Variants in IRAG1 observed in about 807,000 individuals in gnomAD.
IRAG1 encodes IP3R-associated cGMP kinase substrate.
IRAG1 carries 62 observed loss-of-function variants against 106.2 expected under a neutral mutation model. The ratio of observed to expected loss-of-function variants is 0.58; its 90% CI spans 0.48 to 0.72. The LOEUF (loss-of-function observed/expected upper bound fraction) is 0.72, where lower values mean the gene tolerates loss of function less well. IRAG1 is among the 30% of genes least tolerant of loss of function. The probability of loss-of-function intolerance (pLI) is 0.00; values close to 1 mark genes in which losing one functional copy is unlikely to be tolerated. For missense variants in IRAG1, 1,064 were observed against 1,140.7 expected, an observed-to-expected ratio of 0.93 and a Z score of 0.97; for synonymous variants, 462 against 443.9, an observed-to-expected ratio of 1.04 and a Z score of -0.51.
chr11:10,612,176 T>C (rs1003239019), intron 10 of IRAG1, among the ~76,000 whole-genome samples: 4 of 152,200 alleles, frequency 2.6e-5, no homozygotes, highest in African/African-American at 9.7e-5. Context: ...TTTTCCTTCC[T>C]TTCTTAGCAG....
intron 4 of IRAG1, among the ~76,000 whole-genome samples, chr11:10,631,345 T>C (rs1264852784): frequency 6.6e-6 from 1 of 152,172 alleles, no homozygotes; most frequent in Non-Finnish European, 1.5e-5. Flanking sequence ...CTGGAATGCC[T>C]TTCCTCCCTC....
chr11:10,655,612 C>A (rs1185395656), intron 1 of IRAG1, among the ~76,000 whole-genome samples: 2 of 152,174 alleles, frequency 1.3e-5, no homozygotes, highest in Admixed American at 6.5e-5. Flanking sequence ...GGATTCCTAA[C>A]CACTTCAGGG....
In IRAG1 at chr11:10,609,712, C is replaced by T. The variant is rs771709480; in HGVS notation, c.1571+16G>A. 29 of 1,610,256 alleles carry T rather than the reference C, an allele frequency of 1.8e-5. No homozygotes were observed. The highest frequency in any genetic ancestry group is 2.3e-5 in the Non-Finnish European group (27 of 1,179,374). ...ACTCGGTACAGGGCCTTCTGTAACCCACATCCTGATTTTACCTTCCAGGGA... is the reference window on the plus strand; with the variant it reads ...ACTCGGTACAGGGCCTTCTGTAACCTACATCCTGATTTTACCTTCCAGGGA... On this transcript the variant is annotated intron_variant, in intron 11 of 20. Transcript: ENST00000423302.
Position 10,589,951 on chromosome 11 carries a change from CA to C in IRAG1, c.2240+1596del, listed in dbSNP as rs1371537225. Reference sequence around the variant, plus strand: ...CTCAACTGGCCTGGCATAAGTTCTACAGAGTTCAGGCCCTCTCTGTCATGAT... The same window carrying C: ...CTCAACTGGCCTGGCATAAGTTCTACGAGTTCAGGCCCTCTCTGTCATGAT... On this transcript the variant is annotated intron_variant, in intron 18 of 20. Transcript: ENST00000423302. Among the ~76,000 whole-genome samples the C allele has an allele frequency of 2.0e-5, 3 of 152,176 alleles. No individual in the cohort carries two copies. The East Asian group carries it at 5.8e-4, about 29-fold the overall frequency.
chr11:10,576,108 C>T lies in IRAG1; in HGVS notation c.*224G>A. The T allele has an allele frequency of 1.8e-6, 1 of 570,242 alleles. No homozygotes were observed. 35.3% of individuals were successfully genotyped at this position (570,242 alleles called of 1,614,324 possible). A position where few individuals can be genotyped will look rare whatever the true frequency, so the allele number is the denominator to read the frequency against. On this transcript the variant is annotated 3_prime_UTR_variant, in exon 21 of 21. Coordinates refer to ENST00000423302, the MANE Select transcript of IRAG1 (RefSeq NM_130385.4). ...AGTTCCTTGGTGAAGGTGACTTCTTCATCCACTGGATGCTTTCCCAGGGCA... is the reference window on the plus strand; with the variant it reads ...AGTTCCTTGGTGAAGGTGACTTCTTTATCCACTGGATGCTTTCCCAGGGCA...
intron 2 of IRAG1, among the ~76,000 whole-genome samples, chr11:10,644,611 G>A (rs1857795494): frequency 6.6e-6 from 1 of 152,186 alleles, no homozygotes; most frequent in African/African-American, 2.4e-5. Flanking sequence ...GTTGCTATGT[G>A]TAAAGTGCCT....
At chr11:10,622,341 G>A (rs1017795938) in intron 10 of IRAG1, among the ~76,000 whole-genome samples, 2 of 152,254 alleles carry the variant, frequency 1.3e-5, no homozygotes, top group East Asian at 3.9e-4. Flanking sequence ...TGGCCACAGA[G>A]AAGAGGCTCT....
intron 1 of IRAG1, among the ~76,000 whole-genome samples, chr11:10,673,382 G>T (rs1420494489): frequency 6.6e-6 from 1 of 152,090 alleles, no homozygotes; most frequent in African/African-American, 2.4e-5. Context: ...ATTATGGTAA[G>T]TGAAAGAAGC....
At chr11:10,578,347 T>C (rs1851042830) in intron 20 of IRAG1, among the ~76,000 whole-genome samples, 1 of 152,236 alleles carries the variant, frequency 6.6e-6, no homozygotes, top group African/African-American at 2.4e-5. Context: ...GTCTCACTTG[T>C]TCAATGTCAG....
At chr11:10,606,216 T>G (rs1854463431) in intron 12 of IRAG1, among the ~76,000 whole-genome samples, 2 of 152,148 alleles carry the variant, frequency 1.3e-5, no homozygotes. Flanking sequence ...AAATGCAGAT[T>G]CCCCTCAGCT....
intron 13 of IRAG1, 64 bp downstream of exon 13, chr11:10,604,341 C>T: frequency 6.3e-7 from 1 of 1,597,824 alleles, no homozygotes. Flanking sequence ...AAGCATGACA[C>T]CCTGTATGGC....
At chr11:10,671,010 C>T (rs1278417239) in intron 1 of IRAG1, among the ~76,000 whole-genome samples, 1 of 152,198 alleles carries the variant, frequency 6.6e-6, no homozygotes, top group East Asian at 1.9e-4. Flanking sequence ...ATCTCTCAGC[C>T]ATATCAGATT....
At chr11:10,680,282 GAA>G (rs1671525406) in intron 1 of IRAG1, among the ~76,000 whole-genome samples, 1 of 104,372 alleles carries the variant, frequency 9.6e-6, no homozygotes, top group Non-Finnish European at 1.8e-5. Flanking sequence ...AAGAAAGAAA[GAA>G]AAAGAGAGAG....
chr11:10,626,249 C>G lies in IRAG1; in HGVS notation c.1085G>C (p.Gly362Ala). 6.2e-7 allele frequency: 1 copy of G among 1,608,626 alleles called. No homozygotes were observed. Among genetic ancestry groups the G allele is most frequent in the East Asian group, 2.2e-5 (1 of 44,712 alleles). Residue 362 changes from glycine (G) to alanine (A), a missense_variant, in exon 9 of 21, where the codon GGG (glycine) becomes GCG (alanine). Physicochemically the swap from Gly to Ala is moderately conservative, Grantham distance 60. Coordinates refer to ENST00000423302, the MANE Select transcript of IRAG1 (RefSeq NM_130385.4). ...AAGVGPPASQ[G>A]RGPAGEPMGP... ...CATCGGCTCTCCAGCTGGGCCTCTC[C>G]CCTGGGAGGCTGGGGGACCCACTCC...
intron 1 of IRAG1, among the ~76,000 whole-genome samples, chr11:10,670,573 AG>A (rs1860136550): frequency 6.6e-6 from 1 of 152,244 alleles, no homozygotes. Context: ...AAAACCAAGA[AG>A]GCTATTGCTA....
At chr11:10,635,532 A>G (rs1857084215) in intron 2 of IRAG1, among the ~76,000 whole-genome samples, 1 of 152,080 alleles carries the variant, frequency 6.6e-6, no homozygotes, top group African/African-American at 2.4e-5. Flanking sequence ...GGAGCTGCCA[A>G]TGGGCTGGAG....
chr11:10,629,255 T>C (rs80172281), intron 5 of IRAG1, among the ~76,000 whole-genome samples: 4,097 of 152,224 alleles, frequency 0.027, 76 homozygotes, highest in South Asian at 0.053. Context: ...GACTCTAGCA[T>C]AGAGGAAGCA....
At chr11:10,613,261 CAAAA>C (rs34065353) in intron 10 of IRAG1, among the ~76,000 whole-genome samples, 5 of 132,956 alleles carry the variant, frequency 3.8e-5, no homozygotes, top group Admixed American at 7.4e-5. Context: ...ATGCTTCATA[CAAAA>C]AAAAAAAAAA....
intron 3 of IRAG1, among the ~76,000 whole-genome samples, chr11:10,633,434 G>A (rs966933918): frequency 9.2e-5 from 14 of 152,120 alleles, no homozygotes; most frequent in Admixed American, 5.2e-4. Flanking sequence ...AGCCCAGTTC[G>A]TGGGCTAGTG....
Sources: gnomAD v4.1 joint callset for allele counts (sites outside exome capture counted in the v4.1 genomes callset) on GRCh38, gnomAD v4.1.1 for gene constraint, MANE v1.5 for transcripts, NCBI Gene and HGNC (gene_info 2026-07-23, HGNC 2026-07-21) for gene names.